Variants in ARHGDIB observed in about 807,000 individuals in gnomAD.
The protein encoded by ARHGDIB is Rho GDP dissociation inhibitor beta.
Under a neutral mutation model 22.6 loss-of-function variants are expected in ARHGDIB, and 20 were observed. The observed-to-expected ratio is 0.88, with a 90% confidence interval of 0.62 to 1.28. ARHGDIB has a LOEUF of 1.28. Among genes scored for constraint, ARHGDIB ranks in the 50% most tolerant of loss-of-function variants. ARHGDIB has a pLI of 0.00. For synonymous variants in ARHGDIB, 114 were observed against 96.1 expected (o/e 1.19, Z -1.09); for missense variants, 254 against 245.4 (o/e 1.04, Z -0.23).
intron 1 of ARHGDIB, 22 bp from the exon 2 acceptor site, chr12:14,950,746 C>T (rs753428553): frequency 7.7e-6 from 12 of 1,559,888 alleles, no homozygotes; most frequent in African/African-American, 5.5e-5. Flanking sequence ...AATGACAGCC[C>T]GTTAGTCAAC....
chr12:14,947,352 C>G (rs1046673015), intron 4 of ARHGDIB, among the ~76,000 whole-genome samples: 32 of 152,290 alleles, frequency 2.1e-4, no homozygotes, highest in African/African-American at 7.7e-4. Flanking sequence ...AGTTCTTTAG[C>G]AAAGATCACA....
At chr12:14,957,643 T>C (rs1445740777) in intron 1 of ARHGDIB, among the ~76,000 whole-genome samples, 2 of 152,202 alleles carry the variant, frequency 1.3e-5, no homozygotes, top group Non-Finnish European at 2.9e-5. Flanking sequence ...ACTCTGCGAA[T>C]GATGAGAAAT....
chr12:14,944,668 T>C (rs561592424), intron 5 of ARHGDIB, 108 bp downstream of exon 5: 1 of 1,078,492 alleles, frequency 9.3e-7, no homozygotes, highest in Admixed American at 2.3e-5. Flanking sequence ...CATCCACAGC[T>C]TTTATTGTAT....
intron 1 of ARHGDIB, 105 bp from the exon 2 acceptor site, chr12:14,950,829 ATCAG>A: frequency 1.2e-6 from 1 of 804,156 alleles, no homozygotes; most frequent in Non-Finnish European, 1.9e-6. Context: ...TTCTCTGATC[ATCAG>A]TCACTTTCCT....
intron 1 of ARHGDIB, among the ~76,000 whole-genome samples, chr12:14,954,400 C>T (rs1864253159): frequency 2.0e-5 from 3 of 152,286 alleles, no homozygotes; most frequent in African/African-American, 4.8e-5. Context: ...TGTCTGAGGG[C>T]GCATGACCAC....
At chr12:14,959,011 A>G (rs1423014764) in intron 1 of ARHGDIB, among the ~76,000 whole-genome samples, 1 of 152,172 alleles carries the variant, frequency 6.6e-6, no homozygotes, top group African/African-American at 2.4e-5. Flanking sequence ...CTTCCATGTG[A>G]TTCTTCCTAA....
At chr12:14,942,826 G>A (rs1395284679) in intron 5 of ARHGDIB, 105 bp from the exon 6 acceptor site, 9 of 985,930 alleles carry the variant, frequency 9.1e-6, no homozygotes, top group African/African-American at 1.6e-5. Flanking sequence ...AAAGTCAAGA[G>A]CAATGGTTTC....
intron 1 of ARHGDIB, 21 bp downstream of exon 1, chr12:14,961,516 G>C (rs1864410817): frequency 6.6e-6 from 1 of 152,260 alleles, no homozygotes; most frequent in Non-Finnish European, 1.5e-5. Context: ...AGCCTCCCCA[G>C]CCCGAGGTAT....
intron 1 of ARHGDIB, among the ~76,000 whole-genome samples, chr12:14,951,464 TC>T (rs1233822721): frequency 1.3e-5 from 2 of 152,212 alleles, no homozygotes; most frequent in African/African-American, 4.8e-5. Flanking sequence ...GATATTCTAT[TC>T]TTTTTAAATG....
intron 1 of ARHGDIB, among the ~76,000 whole-genome samples, chr12:14,959,642 G>A (rs1386799402): frequency 6.6e-6 from 1 of 152,076 alleles, no homozygotes; most frequent in Non-Finnish European, 1.5e-5. Flanking sequence ...GCTCAGACCC[G>A]TATCTTTCCC....
intron 1 of ARHGDIB, among the ~76,000 whole-genome samples, chr12:14,958,646 G>T (rs982155523): frequency 6.6e-6 from 1 of 152,202 alleles, no homozygotes; most frequent in African/African-American, 2.4e-5. Flanking sequence ...GGAAGCCATT[G>T]CCTTCAGTAT....
rs1028916280 is a variant in ARHGDIB at position 14,950,572 on chromosome 12, C to T, written c.141G>A (p.Lys47=). Residue 47 remains lysine, a synonymous_variant, in exon 2 of 6, where the codon AAG becomes AAA. Transcript: ENST00000228945. ...CATCTCCCAGCAGCGTTTTCTTGTA[C>T]TTAATTAGACTCTCATCATCTTTGT... ...EMDKDDESLI[K]YKKTLLGDGP... The T allele has an allele frequency of 1.2e-6, 2 of 1,613,882 alleles. No homozygotes were observed. Among genetic ancestry groups the T allele is most frequent in the Non-Finnish European group, 1.7e-6 (2 of 1,179,882 alleles).
chr12:14,952,897 C>T (rs1864212723), intron 1 of ARHGDIB, among the ~76,000 whole-genome samples: 1 of 152,154 alleles, frequency 6.6e-6, no homozygotes, highest in Admixed American at 6.5e-5. Flanking sequence ...CAGTCACTGG[C>T]TCAAGATGAT....
chr12:14,953,921 C>CCTTCTTTCCTTCCTTCCTTCCTTCCTTT (rs1463024119), intron 1 of ARHGDIB, among the ~76,000 whole-genome samples: 1 of 147,438 alleles, frequency 6.8e-6, no homozygotes, highest in African/African-American at 2.5e-5. Flanking sequence ...TCTCTCTCTC[C>CCTTCTTTCCTTCCTTCCTTCCTTCCTTT]CTTCTTTCCT....
intron 2 of ARHGDIB, among the ~76,000 whole-genome samples, 167 bp downstream of exon 2, chr12:14,950,365 C>T (rs989021563): frequency 1.3e-5 from 2 of 152,192 alleles, no homozygotes; most frequent in Admixed American, 6.5e-5. Flanking sequence ...CTTAAGAAGA[C>T]TTAATTATAC....
intron 5 of ARHGDIB, 40 bp downstream of exon 5, chr12:14,944,736 G>C (rs145689503): frequency 1.3e-6 from 2 of 1,585,708 alleles, no homozygotes; most frequent in African/African-American, 2.7e-5. Flanking sequence ...GTATCAATGA[G>C]AAGCAGTTTG....
intron 1 of ARHGDIB, among the ~76,000 whole-genome samples, chr12:14,954,548 T>C (rs1273658587): frequency 9.9e-5 from 15 of 152,206 alleles, no homozygotes; most frequent in Non-Finnish European, 1.2e-4. Context: ...GGGTTTGGGT[T>C]CTGGCTTTCC....
In ARHGDIB at chr12:14,947,933, G is replaced by T. The variant is rs773847772; in HGVS notation, c.282C>A (p.Leu94=). 1 of 1,612,424 alleles carries T rather than the reference G, an allele frequency of 6.2e-7. No homozygotes were observed. The highest frequency in any genetic ancestry group is 1.7e-5 in the Admixed American group (1 of 60,010). ...CCTTTAACACAATGGTTTCCTTTTT[G>T]AGGGCTTCCAGATCTCCTGTAGAAG... ...TMDLTGDLEA[L]KKETIVLKEG... is the part of the protein sequence containing the mutation. The change falls in exon 4 of 6, where the codon CTC becomes CTA. Residue 94 remains leucine (L), a synonymous_variant. Coordinates refer to ENST00000228945, the MANE Select transcript of ARHGDIB (RefSeq NM_001175.7).
intron 4 of ARHGDIB, among the ~76,000 whole-genome samples, chr12:14,945,234 A>C (rs763862694): frequency 6.6e-6 from 1 of 152,234 alleles, no homozygotes; most frequent in Non-Finnish European, 1.5e-5. Flanking sequence ...TGAAGATACC[A>C]ATAGAGCACA....
Sources: allele counts gnomAD v4.1 joint callset (sites outside exome capture counted in the v4.1 genomes callset), GRCh38; gene constraint gnomAD v4.1.1; transcripts MANE v1.5; gene names NCBI Gene and HGNC (gene_info 2026-07-23, HGNC 2026-07-21).